SYNE1: variants seen among roughly 807,000 people sequenced by gnomAD.
SYNE1 encodes the protein nesprin-1.
In SYNE1, 616 loss-of-function variants were observed where a neutral mutation model predicts 1,111.0. The observed-to-expected ratio is 0.55, with a 90% confidence interval of 0.52 to 0.59. The LOEUF is 0.59. SYNE1 is among the 20% of genes least tolerant of loss of function. The probability of loss-of-function intolerance (pLI) is 0.00; values close to 1 mark genes in which losing one functional copy is unlikely to be tolerated. For synonymous variants in SYNE1, 3,855 were observed against 3,825.8 expected (o/e 1.01, Z -0.28); for missense variants, 10,006 against 10,417.0 (o/e 0.96, Z 1.72).
intron 3 of SYNE1, among the ~76,000 whole-genome samples, chr6:152,593,435 A>T (rs1004306608): frequency 4.6e-5 from 7 of 152,116 alleles, no homozygotes; most frequent in African/African-American, 1.7e-4. Flanking sequence ...CTACAAAAAA[A>T]TTAGGGTGTG....
chr6:152,620,330 C>T lies in SYNE1; in HGVS notation c.67+7935G>A, dbSNP rs193213792. ...CCTCTTTTCTTCTTATCTGTCCGGG[C>T]TCCCTGGGTGGTGCCAACCAATCTC... On this transcript the variant is annotated intron_variant, in intron 3 of 145. Transcript: ENST00000367255. 5.8e-4 allele frequency among the ~76,000 whole-genome samples: 88 copies of T among 152,188 alleles called. 1 individual carries two copies. In the Middle Eastern group the frequency reaches 0.021, roughly 36 times the overall value.
chr6:152,523,196 T>G (rs2099148390), intron 5 of SYNE1, among the ~76,000 whole-genome samples: 1 of 152,136 alleles, frequency 6.6e-6, no homozygotes, highest in Non-Finnish European at 1.5e-5. Context: ...GGTCTTAGAT[T>G]TAAGTATTTG....
Position 152,251,371 on chromosome 6 carries a change from G to A in SYNE1, c.19471-2109C>T, listed in dbSNP as rs1326386303. Among the ~76,000 whole-genome samples, 5 of 152,190 alleles carry A rather than the reference G, an allele frequency of 3.3e-5. No individual in the cohort carries two copies. In the South Asian group the frequency reaches 6.2e-4, roughly 19 times the overall value. On this transcript the variant is annotated intron_variant, in intron 104 of 145. Coordinates refer to ENST00000367255, the MANE Select transcript of SYNE1 (RefSeq NM_182961.4). ...ATTATTGGGAGAGACTAGTCAAGAA[G>A]ATAGTAAAGCAAAGAATATGATTGA...
intron 10 of SYNE1, among the ~76,000 whole-genome samples, chr6:152,501,178 T>A (rs2099027908): frequency 6.6e-6 from 1 of 152,072 alleles, no homozygotes; most frequent in Non-Finnish European, 1.5e-5. Flanking sequence ...CAACTTCTAA[T>A]TAATTTAAAA....
At chr6:152,570,408 C>T (rs994885776) in intron 3 of SYNE1, among the ~76,000 whole-genome samples, 1 of 152,152 alleles carries the variant, frequency 6.6e-6, no homozygotes, top group African/African-American at 2.4e-5. Flanking sequence ...CTCCTGTGAA[C>T]AGGATAGCCA....
At chr6:152,572,605 CTCA>C (rs2128320785) in intron 3 of SYNE1, among the ~76,000 whole-genome samples, 2 of 152,302 alleles carry the variant, frequency 1.3e-5, no homozygotes, top group East Asian at 3.9e-4. Flanking sequence ...AGTAATACTA[CTCA>C]TCGTTGCCAG....
chr6:152,263,070 G>A (rs1326425958), intron 100 of SYNE1, among the ~76,000 whole-genome samples: 1 of 151,604 alleles, frequency 6.6e-6, no homozygotes, highest in African/African-American at 2.4e-5. Context: ...GATAGTACGG[G>A]ACCTGGGAAG....
chr6:152,286,446 C>T (rs1015775969), intron 95 of SYNE1, among the ~76,000 whole-genome samples: 10 of 152,142 alleles, frequency 6.6e-5, no homozygotes, highest in African/African-American at 9.7e-5. Context: ...TTTTGTTGCA[C>T]GGAGAAAGAG....
intron 3 of SYNE1, among the ~76,000 whole-genome samples, chr6:152,592,561 C>T (rs979765627): frequency 1.3e-5 from 2 of 152,140 alleles, no homozygotes; most frequent in African/African-American, 4.8e-5. Context: ...CTATAGACTA[C>T]TAGAAGGTGG....
At chr6:152,268,478 AAATC>A (rs1279922985) in intron 99 of SYNE1, among the ~76,000 whole-genome samples, 1 of 151,974 alleles carries the variant, frequency 6.6e-6, no homozygotes, top group African/African-American at 2.4e-5. Context: ...TCATTTTTCA[AAATC>A]AATATTGTCA....
In SYNE1 at chr6:152,441,316, A is replaced by G. The variant is rs756139382; in HGVS notation, c.4009-46T>C. 54 of 1,567,426 alleles carry G rather than the reference A, an allele frequency of 3.4e-5. No homozygotes were observed. In the South Asian group the frequency reaches 5.7e-4, roughly 17 times the overall value. The stretch of plus-strand genomic sequence containing the variant: ...AACAAATGGGTTACAAATGTCACAC[A>G]ATACTATCATATTTTCATTCGTTTG... On this transcript the variant is annotated intron_variant, in intron 31 of 145. Transcript: ENST00000367255.
intron 64 of SYNE1, among the ~76,000 whole-genome samples, chr6:152,360,810 G>C (rs2096918999): frequency 6.6e-6 from 1 of 152,114 alleles, no homozygotes; most frequent in Non-Finnish European, 1.5e-5. Flanking sequence ...GCATAAATGA[G>C]ACCCAGAAAC....
At chr6:152,586,755 A>G (rs1405585938) in intron 3 of SYNE1, among the ~76,000 whole-genome samples, 1 of 152,098 alleles carries the variant, frequency 6.6e-6, no homozygotes, top group Non-Finnish European at 1.5e-5. Context: ...TTGGATGGGT[A>G]CAGAGTTTCT....
chr6:152,417,423 G>A (rs1164664621), intron 40 of SYNE1, among the ~76,000 whole-genome samples: 5 of 152,102 alleles, frequency 3.3e-5, no homozygotes, highest in African/African-American at 7.2e-5. Flanking sequence ...GCATGAACCC[G>A]GGAGGCGGAG....
At position 152,325,983 on chromosome 6, in the gene SYNE1, G is replaced by A. The variant is rs143916942; in HGVS notation, c.15413C>T (p.Ala5138Val). The A allele has an allele frequency of 4.4e-5, 71 of 1,613,928 alleles. No individual in the cohort carries two copies. Among genetic ancestry groups the A allele is most frequent in the East Asian group, 1.8e-4 (8 of 44,866 alleles). The change falls in exon 80 of 146, where the codon GCG (alanine) becomes GTG (valine). Residue 5138 changes from alanine to valine, a missense_variant. By Grantham distance (64) the Ala-to-Val change is moderately conservative. Coordinates refer to ENST00000367255, the MANE Select transcript of SYNE1 (RefSeq NM_182961.4). ...CTTGTGTTCTGACAATTTTTCTTCC[G>A]CTTCATGACTAGACGAAGTCTTCAA... Reference protein sequence around the residue: ...SLLKTSSSHEAEEKLSEHKAL... With the variant: ...SLLKTSSSHEVEEKLSEHKAL...
In SYNE1 at chr6:152,437,550, A is replaced by C. The variant is rs1300798383; in HGVS notation, c.4150-1449T>G. Among the ~76,000 whole-genome samples the C allele has an allele frequency of 2.0e-5, 3 of 152,316 alleles. No homozygotes were observed. In the East Asian group the frequency reaches 5.8e-4, roughly 29 times the overall value. On this transcript the variant is annotated intron_variant, in intron 32 of 145. Transcript: ENST00000367255. ...ATACTTATTTTAAATATTTTAAAAT[A>C]GTTGAAAATACTTATTTTCAACTAT...
intron 2 of SYNE1, among the ~76,000 whole-genome samples, chr6:152,632,508 G>C (rs1162015468): frequency 6.6e-6 from 1 of 152,152 alleles, no homozygotes; most frequent in Non-Finnish European, 1.5e-5. Flanking sequence ...CTGGGAATTA[G>C]GAAATATCAG....
intron 117 of SYNE1, among the ~76,000 whole-genome samples, chr6:152,221,917 A>C (rs2080270440): frequency 6.6e-6 from 1 of 152,170 alleles, no homozygotes; most frequent in Non-Finnish European, 1.5e-5. Flanking sequence ...TCCTTGGTTC[A>C]GAGGCCTCAC....
intron 98 of SYNE1, among the ~76,000 whole-genome samples, chr6:152,270,678 T>C (rs1039670170): frequency 6.6e-6 from 1 of 152,220 alleles, no homozygotes; most frequent in Non-Finnish European, 1.5e-5. Flanking sequence ...GACACTGTTC[T>C]AGAAGCTGGG....
Sources: gnomAD v4.1 joint callset for allele counts (sites outside exome capture counted in the v4.1 genomes callset) on GRCh38, gnomAD v4.1.1 for gene constraint, MANE v1.5 for transcripts, NCBI Gene and HGNC (gene_info 2026-07-23, HGNC 2026-07-21) for gene names.